The following STAU1 variants were observed in gnomAD, a reference collection of about 807,000 sequenced individuals.
STAU1 encodes the protein double-stranded RNA-binding protein Staufen homolog 1.
STAU1 carries 13 observed loss-of-function variants against 62.9 expected under a neutral mutation model. The ratio of observed to expected loss-of-function variants is 0.21; its 90% CI spans 0.13 to 0.33. The LOEUF (loss-of-function observed/expected upper bound fraction) is 0.33. Among genes scored for constraint, STAU1 ranks in the 10% least tolerant of loss-of-function variants. The pLI, the probability that STAU1 is intolerant of heterozygous loss-of-function variation, is 1.00. For synonymous variants in STAU1, 269 were observed against 265.1 expected, an observed-to-expected ratio of 1.01 and a Z score of -0.14; for missense variants, 571 against 712.1, an observed-to-expected ratio of 0.80 and a Z score of 2.25.
chr20:49,148,528 T>A (rs1019944558), intron 5 of STAU1, among the ~76,000 whole-genome samples: 7 of 152,250 alleles, frequency 4.6e-5, no homozygotes, highest in African/African-American at 1.7e-4. Context: ...ATAAGTCTTT[T>A]CTGAATTAAT....
At chr20:49,187,403 C>T (rs2093801297) in intron 1 of STAU1, among the ~76,000 whole-genome samples, 1 of 152,172 alleles carries the variant, frequency 6.6e-6, no homozygotes. Flanking sequence ...TGGACATGGG[C>T]ACGCGGAACA....
chr20:49,132,205 T>C (rs1459408509), intron 6 of STAU1, among the ~76,000 whole-genome samples: 7 of 152,104 alleles, frequency 4.6e-5, no homozygotes, highest in Non-Finnish European at 7.4e-5. Flanking sequence ...TCTGAAACAC[T>C]TCTTCCCACA....
upstream of STAU1, among the ~76,000 whole-genome samples, chr20:49,190,905 A>ATTTT (rs11477133): frequency 1.7e-4 from 24 of 140,288 alleles, no homozygotes; most frequent in African/African-American, 5.5e-4. Context: ...GAGATGCTGA[A>ATTTT]TTTTTTTTTT....
chr20:49,189,201 CAAAAAAAAAAAAAAAAAAA>C (rs545643816), upstream of STAU1, among the ~76,000 whole-genome samples: 13 of 33,596 alleles, frequency 3.9e-4, no homozygotes, highest in African/African-American at 7.4e-4. Flanking sequence ...ACACTGGTCT[CAAAAAAAAAAAAAAAAAAA>C]AAAAAAAAAA....
intron 3 of STAU1, chr20:49,159,279 A>G (rs2093414909): frequency 2.6e-6 from 1 of 379,842 alleles, no homozygotes. Flanking sequence ...TGGTTTTGAT[A>G]GAACCAAAAG....
chr20:49,139,906 G>A (rs1173885134), intron 5 of STAU1, among the ~76,000 whole-genome samples: 2 of 151,780 alleles, frequency 1.3e-5, no homozygotes, highest in African/African-American at 2.4e-5. Flanking sequence ...AAAATGGGCA[G>A]TGCGTGCGGT....
intron 1 of STAU1, among the ~76,000 whole-genome samples, chr20:49,174,847 T>C (rs909795902): frequency 7.1e-6 from 1 of 140,034 alleles, no homozygotes. Flanking sequence ...TGAGGCAGAA[T>C]GGTGTGAACC....
At chr20:49,218,064 G>A in the STAU1 span, among the ~76,000 whole-genome samples, 3 of 149,316 alleles carry the variant, frequency 2.0e-5, no homozygotes, top group African/African-American at 7.4e-5. Context: ...TAGTGCAGAC[G>A]GAGTTTCACC....
At chr20:49,142,775 T>G (rs1377862665) in intron 5 of STAU1, among the ~76,000 whole-genome samples, 1 of 152,164 alleles carries the variant, frequency 6.6e-6, no homozygotes, top group Non-Finnish European at 1.5e-5. Context: ...AAAAACATAT[T>G]TGAAAATGAA....
At chr20:49,181,175 C>T (rs1350276107) in intron 1 of STAU1, among the ~76,000 whole-genome samples, 1 of 152,124 alleles carries the variant, frequency 6.6e-6, no homozygotes, top group African/African-American at 2.4e-5. Context: ...TTCTTTGGTT[C>T]AAGGAAAGAG....
At chr20:49,146,492 A>G (rs1333625784) in intron 5 of STAU1, among the ~76,000 whole-genome samples, 3 of 152,132 alleles carry the variant, frequency 2.0e-5, no homozygotes, top group African/African-American at 7.2e-5. Context: ...ATTTAAGACT[A>G]GGAGTTTAAG....
At chr20:49,199,935 C>T in the STAU1 span, among the ~76,000 whole-genome samples, 4 of 152,038 alleles carry the variant, frequency 2.6e-5, no homozygotes, top group African/African-American at 7.2e-5. Flanking sequence ...GTCTGCAACT[C>T]GTGGCCTCAA....
chr20:49,127,362 A>G (rs1017936043), intron 6 of STAU1, among the ~76,000 whole-genome samples: 11 of 151,966 alleles, frequency 7.2e-5, no homozygotes, highest in African/African-American at 2.7e-4. Context: ...CTCAAAAATA[A>G]ATAAATGAAT....
intron 5 of STAU1, among the ~76,000 whole-genome samples, chr20:49,141,580 G>C (rs1391055109): frequency 6.6e-6 from 1 of 152,172 alleles, no homozygotes; most frequent in Non-Finnish European, 1.5e-5. Context: ...CTGGGTGGCA[G>C]AGCAAGACTC....
intron 6 of STAU1, among the ~76,000 whole-genome samples, chr20:49,134,001 T>C (rs1225157725): frequency 6.6e-6 from 1 of 152,224 alleles, no homozygotes; most frequent in Non-Finnish European, 1.5e-5. Context: ...TAAAGAATAC[T>C]TCAAAGATAT....
chr20:49,142,158 C>T (rs1467924433), intron 5 of STAU1, among the ~76,000 whole-genome samples: 2 of 152,140 alleles, frequency 1.3e-5, no homozygotes, highest in African/African-American at 4.8e-5. Context: ...GCAATCTTGG[C>T]TCACTGCAAC....
chr20:49,203,445 G>GT, the STAU1 span, among the ~76,000 whole-genome samples: 1 of 152,050 alleles, frequency 6.6e-6, no homozygotes, highest in Non-Finnish European at 1.5e-5. Flanking sequence ...AAATTGATAA[G>GT]TTTCTAACCA....
At chr20:49,181,556 G>C (rs1237131168) in intron 1 of STAU1, among the ~76,000 whole-genome samples, 2 of 151,998 alleles carry the variant, frequency 1.3e-5, no homozygotes, top group African/African-American at 4.8e-5. Flanking sequence ...CCTGAGCTCA[G>C]GAGTTCGAGA....
intron 3 of STAU1, 23 bp from the exon 4 acceptor site, chr20:49,154,094 A>T (rs2093315734): frequency 6.3e-6 from 10 of 1,584,286 alleles, no homozygotes; most frequent in African/African-American, 1.4e-5. Flanking sequence ...ATCGACAAAG[A>T]ACTGTTTTTT....
Sources: allele counts gnomAD v4.1 joint callset (sites outside exome capture counted in the v4.1 genomes callset), GRCh38; gene constraint gnomAD v4.1.1; transcripts MANE v1.5; gene names NCBI Gene and HGNC (gene_info 2026-07-23, HGNC 2026-07-21).